The following CCNT2 variants were observed in gnomAD, a reference collection of about 807,000 sequenced individuals.
CCNT2 encodes cyclin-T2.
In CCNT2, 18 loss-of-function variants were observed where a neutral mutation model predicts 70.0. The observed-to-expected ratio is 0.26, with a 90% CI of 0.18 to 0.38. The LOEUF (loss-of-function observed/expected upper bound fraction) is 0.38, where lower values mean the gene tolerates loss of function less well. Among genes scored for constraint, CCNT2 ranks in the 10% least tolerant of loss-of-function variants. The pLI, the probability that CCNT2 is intolerant of heterozygous loss-of-function variation, is 1.00. For missense variants in CCNT2, 734 were observed against 890.2 expected, an observed-to-expected ratio of 0.82 and a Z score of 2.23; for synonymous variants, 334 against 313.3, an observed-to-expected ratio of 1.07 and a Z score of -0.70.
rs577406279 is a variant in CCNT2, at chr2:134,918,917, G to C, written c.63G>C (p.Thr21=). Reference sequence around the variant, plus strand: ...TTACTCGGGAACAGCTGGAGAACACGCCGAGCCGCCGCTGCGGAGTGGAGG... The same window carrying C: ...TTACTCGGGAACAGCTGGAGAACACCCCGAGCCGCCGCTGCGGAGTGGAGG... ...WFFTREQLEN[T]PSRRCGVEAD... Residue 21 remains threonine, a synonymous_variant, in exon 1 of 9, where the codon ACG becomes ACC. Coordinates refer to ENST00000264157, the MANE Select transcript of CCNT2 (RefSeq NM_058241.3). The C allele has an allele frequency of 2.5e-6, 4 of 1,613,908 alleles. No individual in the cohort carries two copies. The highest frequency in any genetic ancestry group is 4.5e-5 in the East Asian group (2 of 44,880).
At chr2:134,937,276 C>G (rs1362749426) in intron 3 of CCNT2, among the ~76,000 whole-genome samples, 1 of 152,188 alleles carries the variant, frequency 6.6e-6, no homozygotes, top group African/African-American at 2.4e-5. Context: ...CCTATCACCT[C>G]CGCTGGAAGC....
rs965637987 is a variant in CCNT2, at chr2:134,958,784, A to G, written c.*4136A>G. On this transcript the variant is annotated 3_prime_UTR_variant, in exon 9 of 9. Coordinates refer to ENST00000264157, the MANE Select transcript of CCNT2 (RefSeq NM_058241.3). ...ATTAATTTTCTGCTCTGCAGTGTCA[A>G]TTTGGGCACAGCCAGTTTTTACCTC... The G allele has an allele frequency of 1.3e-5, 2 of 152,166 alleles. No individual in the cohort carries two copies. Among genetic ancestry groups the G allele is most frequent in the African/African-American group, 2.4e-5 (1 of 41,432 alleles). 9.4% of individuals were successfully genotyped at this position (152,166 alleles called of 1,614,324 possible). A position where few individuals can be genotyped will look rare whatever the true frequency, so the allele number is the denominator to read the frequency against.
intron 5 of CCNT2, chr2:134,944,572 T>C: frequency 1.0e-6 from 1 of 972,980 alleles, no homozygotes; most frequent in Non-Finnish European, 1.2e-6. Context: ...ACTACAAATT[T>C]GATATGTCAT....
At chr2:134,947,673 T>C in intron 6 of CCNT2, 63 bp from the exon 7 acceptor site, 1 of 1,260,954 alleles carries the variant, frequency 7.9e-7, no homozygotes, top group Non-Finnish European at 1.0e-6. Context: ...TGGTAAATGT[T>C]TTTCTTTGTT....
In CCNT2 at chr2:134,959,012, C is replaced by T. The variant is rs1683069008; in HGVS notation, c.*4364C>T. The T allele has an allele frequency of 6.6e-6, 1 of 151,624 alleles. No individual in the cohort carries two copies. Among genetic ancestry groups the T allele is most frequent in the Admixed American group, 6.7e-5 (1 of 14,964 alleles). The allele number at this position is 151,624 out of a possible 1,614,324, so 9.4% of individuals were successfully genotyped here. A position where few individuals can be genotyped will look rare whatever the true frequency, so the allele number is the denominator to read the frequency against. ...AAGTTTGGGGCGGAAACTCAAAATC[C>T]CGAGCATTGCCACTTTAGTAGTTTG... On this transcript the variant is annotated 3_prime_UTR_variant, in exon 9 of 9. Transcript: ENST00000264157.
At chr2:134,952,792 TTAAA>T (rs777363438) in intron 8 of CCNT2, 81 bp downstream of exon 8, 1 of 997,704 alleles carries the variant, frequency 1.0e-6, no homozygotes, top group South Asian at 1.4e-5. Context: ...ATTTTTGTGG[TTAAA>T]TAATCTTTGC....
intron 2 of CCNT2, chr2:134,920,112 C>A: frequency 2.5e-6 from 1 of 406,452 alleles, no homozygotes; most frequent in South Asian, 3.5e-5. Context: ...GCCTTTTAAG[C>A]TAAAAAAGAA....
intron 6 of CCNT2, among the ~76,000 whole-genome samples, chr2:134,947,417 T>C (rs1365582509): frequency 6.6e-6 from 1 of 152,174 alleles, no homozygotes; most frequent in Non-Finnish European, 1.5e-5. Context: ...TACAGTGTTA[T>C]CTATATAGTG....
At chr2:134,951,631 A>G (rs1469634581) in intron 7 of CCNT2, among the ~76,000 whole-genome samples, 1 of 152,180 alleles carries the variant, frequency 6.6e-6, no homozygotes, top group East Asian at 1.9e-4. Context: ...ACTTGAGGCC[A>G]GGAGTTTGAG....
At chr2:134,937,930 T>G (rs1471154864) in intron 3 of CCNT2, among the ~76,000 whole-genome samples, 7 of 152,164 alleles carry the variant, frequency 4.6e-5, no homozygotes. Context: ...AAAAATTTTT[T>G]TTTCTAGCAT....
intron 2 of CCNT2, among the ~76,000 whole-genome samples, chr2:134,934,317 A>T (rs1680997359): frequency 6.6e-6 from 1 of 152,224 alleles, no homozygotes; most frequent in Non-Finnish European, 1.5e-5. Flanking sequence ...TTGTTTGATT[A>T]CTTGAACCAA....
intron 2 of CCNT2, among the ~76,000 whole-genome samples, chr2:134,932,188 G>A (rs1049643038): frequency 2.3e-4 from 15 of 65,932 alleles, no homozygotes; most frequent in Admixed American, 1.2e-3. Flanking sequence ...GTTTCACCAT[G>A]TGTTAATCTT....
intron 5 of CCNT2, chr2:134,943,637 T>C: frequency 1.0e-6 from 1 of 979,794 alleles, no homozygotes. Context: ...GTAAAGTATC[T>C]GGTAGTATCT....
chr2:134,932,726 G>T (rs1238218767), intron 2 of CCNT2, among the ~76,000 whole-genome samples: 1 of 152,176 alleles, frequency 6.6e-6, no homozygotes, highest in African/African-American at 2.4e-5. Flanking sequence ...ACAATGTGCT[G>T]GAATTTTGGT....
intron 7 of CCNT2, among the ~76,000 whole-genome samples, chr2:134,949,915 C>T (rs1259473483): frequency 1.3e-5 from 2 of 152,078 alleles, no homozygotes; most frequent in East Asian, 1.9e-4. Flanking sequence ...CTGCCTCAGC[C>T]TCCTGAGTAG....
intron 2 of CCNT2, 75 bp downstream of exon 2, chr2:134,919,966 T>TG: frequency 1.0e-6 from 1 of 972,188 alleles, no homozygotes; most frequent in Non-Finnish European, 1.6e-6. Flanking sequence ...AGTTGGTCAT[T>TG]GCGTTGTTGG....
At chr2:134,937,449 AT>A (rs1681242191) in intron 3 of CCNT2, among the ~76,000 whole-genome samples, 2 of 152,080 alleles carry the variant, frequency 1.3e-5, no homozygotes, top group South Asian at 4.1e-4. Context: ...GCTGCATTTT[AT>A]TTTGCTTTCA....
In CCNT2 at chr2:134,955,906, C is replaced by T. The variant is rs1013638223; in HGVS notation, c.*1258C>T. On this transcript the variant is annotated 3_prime_UTR_variant, in exon 9 of 9. Coordinates refer to ENST00000264157, the MANE Select transcript of CCNT2 (RefSeq NM_058241.3). ...CTGTAAGAAAGAAAAGGTCAGCCTC[C>T]CAGGCAAACCAGTAGTGGAGGTTTT... is the stretch of plus-strand genomic sequence containing the variant. The T allele has an allele frequency of 2.6e-5, 4 of 152,596 alleles. No homozygotes were observed. The highest frequency in any genetic ancestry group is 7.2e-5 in the African/African-American group (3 of 41,442). The allele number at this position is 152,596 out of a possible 1,614,324, so 9.5% of individuals were successfully genotyped here.
At chr2:134,925,282 A>C (rs369038496) in intron 2 of CCNT2, among the ~76,000 whole-genome samples, 1 of 152,194 alleles carries the variant, frequency 6.6e-6, no homozygotes, top group Non-Finnish European at 1.5e-5. Context: ...GGCACGTATC[A>C]TATAGGATAA....
Sources: allele counts gnomAD v4.1 joint callset (sites outside exome capture counted in the v4.1 genomes callset), GRCh38; gene constraint gnomAD v4.1.1; transcripts MANE v1.5; gene names NCBI Gene and HGNC (gene_info 2026-07-23, HGNC 2026-07-21).